The following LOC128462377 variants were observed in gnomAD, a reference collection of about 807,000 sequenced individuals.
chr16:89,374,537 C>T, the LOC128462377 span, among the ~76,000 whole-genome samples: 25 of 152,296 alleles, frequency 1.6e-4, no homozygotes, highest in African/African-American at 6.0e-4. Context: ...TGGCCTCTGC[C>T]GGCCGCTGTG....
At chr16:89,328,896 A>C in the LOC128462377 span, 122 of 88,932 alleles carry the variant, frequency 1.4e-3, 2 homozygotes, top group African/African-American at 6.3e-3. Context: ...CATACCCAGG[A>C]GCACGGGCGA....
chr16:89,406,306 A>C, the LOC128462377 span, among the ~76,000 whole-genome samples: 16 of 152,136 alleles, frequency 1.1e-4, no homozygotes, highest in Non-Finnish European at 2.4e-4. Flanking sequence ...GCACTGACAG[A>C]AGCACAGACC....
chr16:89,381,354 A>AAAAAAAAG, the LOC128462377 span, among the ~76,000 whole-genome samples: 116 of 125,322 alleles, frequency 9.3e-4, no homozygotes, highest in African/African-American at 3.5e-3. Context: ...AAAAAAAAAA[A>AAAAAAAAG]GGGGTGAGAA....
chr16:89,370,002 C>A, the LOC128462377 span, among the ~76,000 whole-genome samples: 1 of 152,204 alleles, frequency 6.6e-6, no homozygotes, highest in Non-Finnish European at 1.5e-5. Flanking sequence ...GGGGGCCTGG[C>A]CCCTTCAGGA....
chr16:89,361,325 C>T, the LOC128462377 span, among the ~76,000 whole-genome samples: 5 of 152,142 alleles, frequency 3.3e-5, no homozygotes, highest in Admixed American at 6.5e-5. Flanking sequence ...ATCACAGCGC[C>T]GGGGGCGGGG....
At chr16:89,320,576 C>T in the LOC128462377 span, among the ~76,000 whole-genome samples, 1 of 152,310 alleles carries the variant, frequency 6.6e-6, no homozygotes, top group African/African-American at 2.4e-5. Context: ...GGATGGCAAC[C>T]GTCCCAGCTT....
chr16:89,362,388 G>C, the LOC128462377 span, among the ~76,000 whole-genome samples: 1 of 152,200 alleles, frequency 6.6e-6, no homozygotes, highest in Non-Finnish European at 1.5e-5. Flanking sequence ...CTGAGCTGGA[G>C]AGAGTGCACG....
chr16:89,415,851 C>CAAAAAAAAAAAA, the LOC128462377 span, among the ~76,000 whole-genome samples: 1 of 77,116 alleles, frequency 1.3e-5, no homozygotes, highest in African/African-American at 5.3e-5. Flanking sequence ...AAAAAAAAAA[C>CAAAAAAAAAAAA]AATGGAGAAC....
chr16:89,403,525 C>T, the LOC128462377 span: 1 of 152,130 alleles, frequency 6.6e-6, no homozygotes, highest in East Asian at 1.9e-4. Context: ...ACACGCTCAA[C>T]TACGACTGGG....
the LOC128462377 span, among the ~76,000 whole-genome samples, chr16:89,379,038 T>C: frequency 6.6e-6 from 1 of 152,202 alleles, no homozygotes; most frequent in Non-Finnish European, 1.5e-5. Flanking sequence ...GCTGAGGCAT[T>C]CACTGTCGCT....
chr16:89,415,850 A>AAAAAAAAAAAAAAAAAAAAAAC, the LOC128462377 span, among the ~76,000 whole-genome samples: 4 of 147,476 alleles, frequency 2.7e-5, no homozygotes, highest in Non-Finnish European at 6.0e-5. Flanking sequence ...AAAAAAAAAA[A>AAAAAAAAAAAAAAAAAAAAAAC]CAATGGAGAA....
the LOC128462377 span, among the ~76,000 whole-genome samples, chr16:89,389,506 C>T: frequency 6.6e-6 from 1 of 152,144 alleles, no homozygotes; most frequent in African/African-American, 2.4e-5. Flanking sequence ...AACTCAGTTC[C>T]TCCCCACGGT....
chr16:89,396,725 C>T, the LOC128462377 span, among the ~76,000 whole-genome samples: 1 of 152,262 alleles, frequency 6.6e-6, no homozygotes, highest in South Asian at 2.1e-4. Context: ...TTTACTCTGT[C>T]GCCCAGGCTG....
chr16:89,352,286 C>G, the LOC128462377 span, among the ~76,000 whole-genome samples: 268 of 151,994 alleles, frequency 1.8e-3, 2 homozygotes, highest in African/African-American at 5.7e-3. Flanking sequence ...TCACAGTGGC[C>G]AGGTATGCAT....
chr16:89,327,148 G>A, the LOC128462377 span, among the ~76,000 whole-genome samples: 1 of 151,894 alleles, frequency 6.6e-6, no homozygotes, highest in Non-Finnish European at 1.5e-5. Context: ...TGATGACAGC[G>A]AAATATGTAA....
the LOC128462377 span, among the ~76,000 whole-genome samples, chr16:89,356,615 CAAA>C: frequency 8.8e-6 from 1 of 113,332 alleles, no homozygotes; most frequent in Admixed American, 9.0e-5. Flanking sequence ...ACTAAAAATA[CAAA>C]AAAAAAAAAA....
chr16:89,404,638 A>G, the LOC128462377 span, among the ~76,000 whole-genome samples: 5 of 152,240 alleles, frequency 3.3e-5, no homozygotes, highest in African/African-American at 1.2e-4. Context: ...AGACGCAGTC[A>G]CTACTATGGA....
chr16:89,386,581 G>A, the LOC128462377 span, among the ~76,000 whole-genome samples: 49 of 152,344 alleles, frequency 3.2e-4, 1 homozygote, highest in South Asian at 2.1e-3. Flanking sequence ...CAAGATGCCC[G>A]CGGGGAGGAG....
At chr16:89,393,315 T>C in the LOC128462377 span, among the ~76,000 whole-genome samples, 1 of 131,030 alleles carries the variant, frequency 7.6e-6, no homozygotes, top group East Asian at 2.1e-4. Flanking sequence ...TTTATTTTTA[T>C]TTTTTTTTTT....
Sources: gnomAD v4.1 joint callset for allele counts (sites outside exome capture counted in the v4.1 genomes callset) on GRCh38, gnomAD v4.1.1 for gene constraint, MANE v1.5 for transcripts.